The following SLC22A7 variants were observed in gnomAD, a reference collection of about 807,000 sequenced individuals.
The protein encoded by SLC22A7 is solute carrier family 22 member 7, also known as hOAT2.
A neutral mutation model predicts 62.2 loss-of-function variants in SLC22A7; 48 were observed. That is an observed-to-expected ratio of 0.77 (90% CI 0.61 to 0.98). SLC22A7 has a LOEUF of 0.98. Ranked by LOEUF, SLC22A7 falls within the 50% of genes least tolerant of loss-of-function variation. SLC22A7 has a pLI of 0.00. For missense variants in SLC22A7, 581 were observed against 703.8 expected, an observed-to-expected ratio of 0.83 and a Z score of 1.97; for synonymous variants, 276 against 314.8, an observed-to-expected ratio of 0.88 and a Z score of 1.30.
At chr6:43,300,901 G>A (rs1292055236) in intron 5 of SLC22A7, among the ~76,000 whole-genome samples, 2 of 152,224 alleles carry the variant, frequency 1.3e-5, no homozygotes, top group African/African-American at 4.8e-5. Flanking sequence ...ACCTCCAAAA[G>A]TGTTTGGATT....
At chr6:43,297,984 C>T (rs551647744), upstream of SLC22A7, 6 of 182,304 alleles carry the variant, frequency 3.3e-5, no homozygotes, top group East Asian at 4.3e-4. Context: ...GGGGCCTCCT[C>T]TTCTTAGGGA....
At chr6:43,303,017 C>G (rs1050123197) in intron 9 of SLC22A7, 4 of 687,298 alleles carry the variant, frequency 5.8e-6, no homozygotes, top group Non-Finnish European at 7.2e-6. Flanking sequence ...CCGCACCCAG[C>G]CTCTCACTCG....
intron 1 of SLC22A7, 114 bp from the exon 2 acceptor site, chr6:43,298,978 A>G (rs763810581): frequency 2.5e-6 from 3 of 1,193,542 alleles, no homozygotes; most frequent in Non-Finnish European, 3.6e-6. Flanking sequence ...TGATTAAGGC[A>G]GGGAAGGGCT....
At chr6:43,300,621 GAA>G (rs1446242008) in intron 5 of SLC22A7, among the ~76,000 whole-genome samples, 1 of 152,106 alleles carries the variant, frequency 6.6e-6, no homozygotes, top group Admixed American at 6.5e-5. Context: ...GGAAGTGTGG[GAA>G]GAGGTGTTTT....
chr6:43,296,426 T>A (rs947132291), upstream of SLC22A7, among the ~76,000 whole-genome samples: 1 of 152,140 alleles, frequency 6.6e-6, no homozygotes, highest in Admixed American at 6.5e-5. Context: ...GGATGGGACA[T>A]GGAGATGGGG....
At chr6:43,303,374 C>T (rs938594258) in intron 9 of SLC22A7, among the ~76,000 whole-genome samples, 1 of 152,130 alleles carries the variant, frequency 6.6e-6, no homozygotes, top group Non-Finnish European at 1.5e-5. Flanking sequence ...GCAGGAGAAT[C>T]GCTCGAACCT....
In SLC22A7 at chr6:43,304,651, C is replaced by T. The variant is rs1158255958; in HGVS notation, c.1593-20C>T. ...TCGGGGATTAAACCCCACCATTGCTCACAACTCCTTCCTCCCTAGTGCCCC... is the reference window on the plus strand; with the variant it reads ...TCGGGGATTAAACCCCACCATTGCTTACAACTCCTTCCTCCCTAGTGCCCC... On this transcript the variant is annotated intron_variant, in intron 10 of 10. Transcript: ENST00000372585. 1.9e-6 allele frequency: 3 copies of T among 1,602,834 alleles called. No homozygotes were observed. The highest frequency in any genetic ancestry group is 2.6e-6 in the Non-Finnish European group (3 of 1,172,480).
chr6:43,299,323 G>A lies in SLC22A7; in HGVS notation c.400-67G>A. Reference sequence around the variant, plus strand: ...TCAGAAGGCTCCAGGGTCTGGAGAGGAGGAGCTGGTGCCTGCTGGAGAGGG... The same window carrying A: ...TCAGAAGGCTCCAGGGTCTGGAGAGAAGGAGCTGGTGCCTGCTGGAGAGGG... On this transcript the variant is annotated intron_variant, in intron 2 of 10. Transcript: ENST00000372585. This position sits in a 1 kb window ranked among gnomAD's most constrained non-coding sequence, Gnocchi z 4.4. 1 of 1,609,044 alleles carries A rather than the reference G, an allele frequency of 6.2e-7. No homozygotes were observed. Among genetic ancestry groups the A allele is most frequent in the Non-Finnish European group, 8.5e-7 (1 of 1,177,140 alleles).
At position 43,301,116 on chromosome 6, in the gene SLC22A7, A is replaced by T; in HGVS notation, c.828-19A>T. The T allele has an allele frequency of 6.2e-7, 1 of 1,613,944 alleles. No homozygotes were observed. Among genetic ancestry groups the T allele is most frequent in the Non-Finnish European group, 8.5e-7 (1 of 1,179,936 alleles). ...AGGGTCATGACTTTCTGGCTGATGG[A>T]CCTTCTGCCTATTCCTAGGTGGGTG... On this transcript the variant is annotated intron_variant, in intron 5 of 10. Transcript: ENST00000372585.
upstream of SLC22A7, among the ~76,000 whole-genome samples, chr6:43,296,819 C>T (rs2841651): frequency 0.98 from 149,570 of 152,258 alleles, 73,508 homozygotes; most frequent in East Asian, 1. Flanking sequence ...CCTCAGGCAG[C>T]AGAAGCTGGT....
At chr6:43,296,081 A>G (rs1357290988), upstream of SLC22A7, among the ~76,000 whole-genome samples, 1 of 151,914 alleles carries the variant, frequency 6.6e-6, no homozygotes, top group East Asian at 1.9e-4. Flanking sequence ...AATTTTTTGT[A>G]TTTTTGGTAG....
Position 43,302,821 on chromosome 6 carries a change from C to A in SLC22A7, c.1385+58C>A. The A allele has an allele frequency of 1.7e-6, 2 of 1,153,414 alleles. No individual in the cohort carries two copies. The highest frequency in any genetic ancestry group is 2.6e-6 in the Non-Finnish European group (2 of 778,216). 71.4% of individuals were successfully genotyped at this position (1,153,414 alleles called of 1,614,324 possible). On this transcript the variant is annotated intron_variant, in intron 9 of 10. Transcript: ENST00000372585. This position sits in a 1 kb window ranked among gnomAD's most constrained non-coding sequence, Gnocchi z 5.0. ...GGGCTTGTTAGTCACGTGTCTTAAC[C>A]AACACTTCTACATACACGCACCACA... is the stretch of plus-strand genomic sequence containing the variant.
At chr6:43,303,198 C>A in intron 9 of SLC22A7, 1 of 982,574 alleles carries the variant, frequency 1.0e-6, no homozygotes, top group Non-Finnish European at 1.2e-6. Context: ...CTGTGGCTCA[C>A]GCCTGTAATC....
chr6:43,303,438 C>T (rs914985226), intron 9 of SLC22A7, among the ~76,000 whole-genome samples: 1 of 151,602 alleles, frequency 6.6e-6, no homozygotes, highest in Admixed American at 6.6e-5. Context: ...CCAGCCTGGG[C>T]GAGAAACTCT....
rs1180595218 is a variant in SLC22A7 at position 43,302,461 on chromosome 6, G to A, written c.1276+47G>A. ...CTGCCCACCCCAGAAGCCGGGCCAGGAACCCTGCCCACTCCCCGGAGACCC... is the reference window on the plus strand; with the variant it reads ...CTGCCCACCCCAGAAGCCGGGCCAGAAACCCTGCCCACTCCCCGGAGACCC... On this transcript the variant is annotated intron_variant, in intron 8 of 10. Coordinates refer to ENST00000372585, the MANE Select transcript of SLC22A7 (RefSeq NM_153320.2). This position sits in a 1 kb window ranked among gnomAD's most constrained non-coding sequence, Gnocchi z 5.0. 6.8e-7 allele frequency: 1 copy of A among 1,470,656 alleles called. No individual in the cohort carries two copies. The highest frequency in any genetic ancestry group is 1.3e-5 in the South Asian group (1 of 75,752). 91.1% of individuals were successfully genotyped at this position (1,470,656 alleles called of 1,614,324 possible). A position where few individuals can be genotyped will look rare whatever the true frequency, so the allele number is the denominator to read the frequency against.
chr6:43,304,371 G>A lies in SLC22A7; in HGVS notation c.1592+127G>A, dbSNP rs999674664. ...GCACATGTGTACTTGGTGCATGTAT[G>A]TGTGCGTGCACAGGTGAGTGTTTCA... On this transcript the variant is annotated intron_variant, in intron 10 of 10. Coordinates refer to ENST00000372585, the MANE Select transcript of SLC22A7 (RefSeq NM_153320.2). 15 of 835,944 alleles carry A rather than the reference G, an allele frequency of 1.8e-5. No homozygotes were observed. The Admixed American group carries it at 4.8e-4, about 27-fold the overall frequency. The allele number at this position is 835,944 out of a possible 1,614,324, so 51.8% of individuals were successfully genotyped here.
upstream of SLC22A7, among the ~76,000 whole-genome samples, chr6:43,296,643 C>CCA (rs1235936637): frequency 6.6e-6 from 1 of 152,154 alleles, no homozygotes; most frequent in African/African-American, 2.4e-5. Flanking sequence ...GAGGAGGAAG[C>CCA]CACATTGTCC....
In SLC22A7 at chr6:43,302,970, G is replaced by A; in HGVS notation, c.1385+207G>A. The A allele has an allele frequency of 2.9e-6, 1 of 340,916 alleles. No individual in the cohort carries two copies. The highest frequency in any genetic ancestry group is 2.2e-5 in the African/African-American group (1 of 44,776). The allele number at this position is 340,916 out of a possible 1,614,324, so 21.1% of individuals were successfully genotyped here. ...GATCCTCCCGCCTCAGCCTCCAAAA[G>A]TGCTCGTATTACAGGCACTATTACA... On this transcript the variant is annotated intron_variant, in intron 9 of 10. Transcript: ENST00000372585. This position sits in a 1 kb window ranked among gnomAD's most constrained non-coding sequence, Gnocchi z 5.0.
intron 5 of SLC22A7, 135 bp from the exon 6 acceptor site, chr6:43,301,000 T>C (rs747083069): frequency 2.3e-5 from 25 of 1,106,072 alleles, no homozygotes; most frequent in Non-Finnish European, 3.3e-5. Flanking sequence ...GTGGAGGGCT[T>C]GGGGAGGAGA....
Sources: allele counts gnomAD v4.1 joint callset (sites outside exome capture counted in the v4.1 genomes callset), GRCh38; gene constraint gnomAD v4.1.1; non-coding constraint Gnocchi (gnomAD v3.1); transcripts MANE v1.5; gene names NCBI Gene and HGNC (gene_info 2026-07-23, HGNC 2026-07-21).